Variants in ZBTB44 observed in about 807,000 individuals in gnomAD.
ZBTB44 encodes zinc finger and BTB domain containing 44, also known as zinc finger and BTB domain-containing protein 44.
ZBTB44 carries 15 observed loss-of-function variants against 54.0 expected under a neutral mutation model. The ratio of observed to expected loss-of-function variants is 0.28; its 90% CI spans 0.19 to 0.43. The LOEUF (loss-of-function observed/expected upper bound fraction) is 0.43, where lower values mean the gene tolerates loss of function less well. Among genes scored for constraint, ZBTB44 ranks in the 20% least tolerant of loss-of-function variants. The pLI is 1.00. For synonymous variants in ZBTB44, 230 were observed against 250.1 expected, an observed-to-expected ratio of 0.92 and a Z score of 0.76; for missense variants, 487 against 707.1, an observed-to-expected ratio of 0.69 and a Z score of 3.53.
intron 2 of ZBTB44, 44 bp downstream of exon 2, chr11:130,260,812 G>A (rs1377213151): frequency 1.4e-5 from 21 of 1,526,354 alleles, no homozygotes; most frequent in African/African-American, 2.8e-5. Context: ...AAAAATGTTT[G>A]AATTGACTTT....
At chr11:130,268,680 G>A (rs964347776) in intron 1 of ZBTB44, among the ~76,000 whole-genome samples, 2 of 151,974 alleles carry the variant, frequency 1.3e-5, no homozygotes, top group African/African-American at 4.8e-5. Context: ...CCGGGTTCAA[G>A]CAATTCTCCT....
At chr11:130,247,326 A>G (rs1404277320) in intron 2 of ZBTB44, among the ~76,000 whole-genome samples, 1 of 152,176 alleles carries the variant, frequency 6.6e-6, no homozygotes, top group Non-Finnish European at 1.5e-5. Context: ...GGGATCCTGG[A>G]TGAGAGGGCA....
intron 1 of ZBTB44, among the ~76,000 whole-genome samples, chr11:130,276,630 T>A (rs1940125304): frequency 6.6e-6 from 1 of 152,000 alleles, no homozygotes; most frequent in African/African-American, 2.4e-5. Context: ...AGATAGGGTT[T>A]TACCATGATG....
chr11:130,307,778 G>A (rs149671445), intron 1 of ZBTB44, among the ~76,000 whole-genome samples: 1 of 152,262 alleles, frequency 6.6e-6, no homozygotes, highest in African/African-American at 2.4e-5. Flanking sequence ...ATACTACAAG[G>A]CTATAGTTAC....
intron 2 of ZBTB44, among the ~76,000 whole-genome samples, chr11:130,251,805 A>C (rs1192326681): frequency 6.6e-6 from 1 of 152,248 alleles, no homozygotes; most frequent in Non-Finnish European, 1.5e-5. Flanking sequence ...GGTACCAGCC[A>C]CTGCAAAAAC....
intron 1 of ZBTB44, among the ~76,000 whole-genome samples, chr11:130,309,215 C>A (rs1258787469): frequency 6.6e-6 from 1 of 152,222 alleles, no homozygotes; most frequent in Non-Finnish European, 1.5e-5. Context: ...TTGCAACCAA[C>A]CTACTTTCAT....
Position 130,253,570 on chromosome 11 carries a change from T to A in ZBTB44, c.1018+7286A>T, listed in dbSNP as rs528116576. Among the ~76,000 whole-genome samples, 241 of 152,160 alleles carry A rather than the reference T, an allele frequency of 1.6e-3. 5 individuals carry two copies. In the South Asian group the frequency reaches 0.035, roughly 22 times the overall value. On this transcript the variant is annotated intron_variant, in intron 2 of 7. Transcript: ENST00000357899. ...AACCACTGCTCAATGAAATAAAAGA[T>A]GATACAAACAAATGGAAGAACATTC...
intron 2 of ZBTB44, among the ~76,000 whole-genome samples, chr11:130,255,457 G>A (rs1048792109): frequency 2.0e-5 from 3 of 152,144 alleles, no homozygotes; most frequent in African/African-American, 7.2e-5. Flanking sequence ...AAGTGGGAAA[G>A]ATGTAAAATC....
At chr11:130,267,806 G>C (rs1396975379) in intron 1 of ZBTB44, among the ~76,000 whole-genome samples, 1 of 152,074 alleles carries the variant, frequency 6.6e-6, no homozygotes, top group Non-Finnish European at 1.5e-5. Flanking sequence ...GCTCATGCCT[G>C]TAATCCCAGC....
Position 130,297,038 on chromosome 11 carries a change from C to G in ZBTB44, c.-57+17337G>C, listed in dbSNP as rs1005092171. Reference sequence around the variant, plus strand: ...ACATTAGCAAGAAATCATCCGATAGCAGGCAGCTCTCTCATTGAAGACATG... The same window carrying G: ...ACATTAGCAAGAAATCATCCGATAGGAGGCAGCTCTCTCATTGAAGACATG... On this transcript the variant is annotated intron_variant, in intron 1 of 7. Coordinates refer to ENST00000357899, the MANE Select transcript of ZBTB44 (RefSeq NM_001301098.2). The G allele has an allele frequency of 1.2e-5, 8 of 684,236 alleles. No individual in the cohort carries two copies. The African/African-American group carries it at 1.3e-4, about 11-fold the overall frequency. 42.4% of individuals were successfully genotyped at this position (684,236 alleles called of 1,614,324 possible). A position where few individuals can be genotyped will look rare whatever the true frequency, so the allele number is the denominator to read the frequency against.
At chr11:130,244,843 G>A (rs1204192004) in intron 2 of ZBTB44, among the ~76,000 whole-genome samples, 1 of 152,022 alleles carries the variant, frequency 6.6e-6, no homozygotes, top group East Asian at 1.9e-4. Context: ...CACTTGAATT[G>A]CTGTCATTAG....
intron 2 of ZBTB44, among the ~76,000 whole-genome samples, chr11:130,257,007 T>C (rs1300444406): frequency 6.6e-6 from 1 of 152,064 alleles, no homozygotes; most frequent in East Asian, 1.9e-4. Flanking sequence ...GATGACATAA[T>C]TGTATATTTA....
chr11:130,311,365 C>A (rs911031416), intron 1 of ZBTB44, among the ~76,000 whole-genome samples: 1 of 152,000 alleles, frequency 6.6e-6, no homozygotes, highest in Admixed American at 6.6e-5. Flanking sequence ...CACACCACCA[C>A]GCCTGGCTAA....
chr11:130,238,782 G>T, intron 3 of ZBTB44, 175 bp from the exon 4 acceptor site: 1 of 692,102 alleles, frequency 1.4e-6, no homozygotes, highest in Non-Finnish European at 2.2e-6. Flanking sequence ...TTAATGTCCA[G>T]AATGCCTTTT....
intron 1 of ZBTB44, among the ~76,000 whole-genome samples, chr11:130,290,750 T>C (rs1565680425): frequency 6.6e-6 from 1 of 152,224 alleles, no homozygotes; most frequent in Non-Finnish European, 1.5e-5. Context: ...CTGATTTAAA[T>C]ACATAAAATC....
intron 1 of ZBTB44, among the ~76,000 whole-genome samples, chr11:130,293,757 T>C (rs573930367): frequency 1.2e-4 from 18 of 151,662 alleles, no homozygotes; most frequent in African/African-American, 3.4e-4. Flanking sequence ...GACTGCACCA[T>C]TGCACTCCAG....
chr11:130,242,225 C>G (rs1342235028), intron 2 of ZBTB44, among the ~76,000 whole-genome samples: 1 of 152,170 alleles, frequency 6.6e-6, no homozygotes, highest in Non-Finnish European at 1.5e-5. Flanking sequence ...TAGAGATATA[C>G]TTTGTTTACC....
intron 1 of ZBTB44, among the ~76,000 whole-genome samples, chr11:130,295,130 C>CA (rs1173713628): frequency 2.0e-5 from 3 of 152,098 alleles, no homozygotes; most frequent in Non-Finnish European, 4.4e-5. Context: ...AGCAGAAACT[C>CA]AAACTGCGGC....
intron 5 of ZBTB44, among the ~76,000 whole-genome samples, chr11:130,234,715 ACTAAGTCCTTATGCATAAATGAC>A (rs1423142495): frequency 6.6e-6 from 1 of 152,254 alleles, no homozygotes; most frequent in Non-Finnish European, 1.5e-5. Context: ...TAGTTAAGAA[ACTAAGTCCTTATGCATAAATGAC>A]CTGATACATA....
Sources: allele counts gnomAD v4.1 joint callset (sites outside exome capture counted in the v4.1 genomes callset), GRCh38; gene constraint gnomAD v4.1.1; transcripts MANE v1.5; gene names NCBI Gene and HGNC (gene_info 2026-07-23, HGNC 2026-07-21).